The following ACAP2 variants were observed in gnomAD, a reference collection of about 807,000 sequenced individuals.
The protein encoded by ACAP2 is ArfGAP with coiled-coil, ankyrin repeat and PH domains 2, also known as arf-GAP with coiled-coil, ANK repeat and PH domain-containing protein 2.
Under a neutral mutation model 115.8 loss-of-function variants are expected in ACAP2, and 39 were observed. That is an observed-to-expected ratio of 0.34 (90% CI 0.26 to 0.44). The LOEUF (loss-of-function observed/expected upper bound fraction) is 0.44, where lower values mean the gene tolerates loss of function less well. Ranked by LOEUF, ACAP2 falls within the 20% of genes least tolerant of loss-of-function variation. The pLI is 1.00. For missense variants in ACAP2, 662 were observed against 927.6 expected, an observed-to-expected ratio of 0.71 and a Z score of 3.72; for synonymous variants, 289 against 315.8, an observed-to-expected ratio of 0.92 and a Z score of 0.90.
At chr3:195,286,528 G>A (rs988484300) in intron 21 of ACAP2, among the ~76,000 whole-genome samples, 4 of 152,158 alleles carry the variant, frequency 2.6e-5, no homozygotes, top group Non-Finnish European at 4.4e-5. Flanking sequence ...TGTACCTCTC[G>A]TCCGTCCTTC....
rs114944473 is a variant in ACAP2 at position 195,288,841 on chromosome 3, G to A, written c.2174+280C>T. Among the ~76,000 whole-genome samples the A allele has an allele frequency of 2.3e-3, 351 of 152,002 alleles. 1 individual carries two copies. The highest frequency in any genetic ancestry group is 7.2e-3 in the African/African-American group (300 of 41,436). On this transcript the variant is annotated intron_variant, in intron 21 of 22. Coordinates refer to ENST00000326793, the MANE Select transcript of ACAP2 (RefSeq NM_012287.6). ...CACTCTGGGCAACAGAGTGAGAGTC[G>A]GTCTCAAAAATAGATACATAAATAT...
intron 1 of ACAP2, among the ~76,000 whole-genome samples, chr3:195,404,199 T>C (rs1029748293): frequency 2.0e-5 from 3 of 151,812 alleles, no homozygotes; most frequent in African/African-American, 4.8e-5. Flanking sequence ...ACCAAGAGGG[T>C]GTCATAGAGA....
intron 10 of ACAP2, among the ~76,000 whole-genome samples, chr3:195,309,373 A>G (rs915462429): frequency 1.3e-5 from 2 of 151,984 alleles, no homozygotes; most frequent in African/African-American, 4.8e-5. Context: ...GGTGAAACCT[A>G]GCCTCTAATA....
intron 1 of ACAP2, among the ~76,000 whole-genome samples, chr3:195,401,140 C>T (rs1395714504): frequency 6.6e-6 from 1 of 152,126 alleles, no homozygotes; most frequent in African/African-American, 2.4e-5. Flanking sequence ...GTACTGAAGG[C>T]ACAGAATACC....
At position 195,417,826 on chromosome 3, in the gene ACAP2, G is replaced by A. The variant is rs184861559; in HGVS notation, c.53+24969C>T. Among the ~76,000 whole-genome samples, 387 of 152,132 alleles carry A rather than the reference G, an allele frequency of 2.5e-3. 1 individual carries two copies. Among genetic ancestry groups the A allele is most frequent in the Middle Eastern group, 6.8e-3 (2 of 294 alleles). The stretch of plus-strand genomic sequence containing the variant: ...TAGCCAGGCATGGTGGTATGCACCT[G>A]TAGTCCCAGCTATTGAGGAGGCTAA... On this transcript the variant is annotated intron_variant, in intron 1 of 22. Transcript: ENST00000326793.
intron 4 of ACAP2, among the ~76,000 whole-genome samples, chr3:195,379,126 T>C (rs1733779595): frequency 6.6e-6 from 1 of 152,082 alleles, no homozygotes; most frequent in South Asian, 2.1e-4. Context: ...GCCATCTAAA[T>C]TCAACAGAAG....
At chr3:195,404,775 TTATATAATTATAA>T in intron 1 of ACAP2, among the ~76,000 whole-genome samples, 1 of 147,564 alleles carries the variant, frequency 6.8e-6, no homozygotes, top group Middle Eastern at 3.6e-3. Context: ...ATAAATATAA[TTATATAATTATAA>T]TATATAATTT....
At chr3:195,315,636 T>C (rs904388556) in intron 10 of ACAP2, among the ~76,000 whole-genome samples, 22 of 152,294 alleles carry the variant, frequency 1.4e-4, no homozygotes, top group African/African-American at 5.1e-4. Flanking sequence ...AAAGTGACTA[T>C]GTCTCTGAAG....
At chr3:195,410,975 C>A in intron 1 of ACAP2, 1 of 390,074 alleles carries the variant, frequency 2.6e-6, no homozygotes. Flanking sequence ...CACTAATCTG[C>A]TGGCATCTTT....
chr3:195,390,285 G>A (rs552482648), intron 2 of ACAP2, among the ~76,000 whole-genome samples: 2 of 152,102 alleles, frequency 1.3e-5, no homozygotes. Flanking sequence ...TTGGGCTTTG[G>A]TATCCTCAGC....
At chr3:195,423,647 T>TA (rs1428694830) in intron 1 of ACAP2, among the ~76,000 whole-genome samples, 1 of 130,588 alleles carries the variant, frequency 7.7e-6, no homozygotes. Context: ...AAAAAAGGAG[T>TA]AACTATTTTA....
At chr3:195,415,037 A>T (rs1713596479) in intron 1 of ACAP2, among the ~76,000 whole-genome samples, 1 of 152,174 alleles carries the variant, frequency 6.6e-6, no homozygotes, top group South Asian at 2.1e-4. Flanking sequence ...TAACTGCATG[A>T]TCCTATAATG....
At chr3:195,440,824 A>C (rs1715935525) in intron 1 of ACAP2, among the ~76,000 whole-genome samples, 1 of 152,210 alleles carries the variant, frequency 6.6e-6, no homozygotes, top group Non-Finnish European at 1.5e-5. Context: ...TGCAAATCTA[A>C]TTTGTCCCCA....
chr3:195,356,704 C>T (rs74769796), intron 4 of ACAP2, among the ~76,000 whole-genome samples: 3,016 of 152,048 alleles, frequency 0.02, 88 homozygotes, highest in South Asian at 0.086. Flanking sequence ...GGCTCTAACT[C>T]CCGGGTGATA....
intron 8 of ACAP2, among the ~76,000 whole-genome samples, chr3:195,328,168 CT>C (rs760756421): frequency 3.0e-4 from 45 of 151,942 alleles, no homozygotes; most frequent in Non-Finnish European, 5.3e-4. Context: ...AACTCTGAAC[CT>C]CCATCACCTC....
intron 1 of ACAP2, among the ~76,000 whole-genome samples, chr3:195,393,768 G>A (rs771438133): frequency 6.6e-6 from 1 of 151,758 alleles, no homozygotes; most frequent in Non-Finnish European, 1.5e-5. Flanking sequence ...TGCAGCAATA[G>A]GAAATAATGT....
At chr3:195,352,781 G>C (rs970378859) in intron 4 of ACAP2, among the ~76,000 whole-genome samples, 2 of 152,150 alleles carry the variant, frequency 1.3e-5, no homozygotes, top group African/African-American at 4.8e-5. Context: ...TGTGACTGCT[G>C]AGACCAGGTT....
intron 8 of ACAP2, among the ~76,000 whole-genome samples, chr3:195,330,412 G>T (rs1344503980): frequency 2.0e-5 from 3 of 152,052 alleles, no homozygotes; most frequent in African/African-American, 7.2e-5. Context: ...CTAGAGAGGG[G>T]GTAAACCTAT....
At chr3:195,420,633 G>A (rs981140938) in intron 1 of ACAP2, among the ~76,000 whole-genome samples, 2 of 151,118 alleles carry the variant, frequency 1.3e-5, no homozygotes, top group African/African-American at 4.9e-5. Context: ...GTGAGCCACT[G>A]CGCCCGGCCT....
Sources: gnomAD v4.1 joint callset for allele counts (sites outside exome capture counted in the v4.1 genomes callset) on GRCh38, gnomAD v4.1.1 for gene constraint, MANE v1.5 for transcripts, NCBI Gene and HGNC (gene_info 2026-07-23, HGNC 2026-07-21) for gene names.